The following EPM2A variants were observed in gnomAD, a reference collection of about 807,000 sequenced individuals.
EPM2A encodes the protein EPM2A glucan phosphatase, laforin.
In EPM2A, 21 loss-of-function variants were observed where a neutral mutation model predicts 26.5. That is an observed-to-expected ratio of 0.79 (90% confidence interval 0.56 to 1.14). The LOEUF (loss-of-function observed/expected upper bound fraction) is 1.14, where lower values mean the gene tolerates loss of function less well. EPM2A is among the 50% of genes most tolerant of loss of function. The pLI is 0.00. For missense variants in EPM2A, 458 were observed against 440.8 expected (o/e 1.04, Z -0.35); for synonymous variants, 217 against 177.6 (o/e 1.22, Z -1.76).
chr6:145,471,165 G>C (rs1218765221), intron 4 of EPM2A, among the ~76,000 whole-genome samples: 1 of 152,070 alleles, frequency 6.6e-6, no homozygotes, highest in Non-Finnish European at 1.5e-5. Flanking sequence ...AAACTGTCAA[G>C]GCCTATTGTT....
intron 2 of EPM2A, among the ~76,000 whole-genome samples, chr6:145,584,988 A>G (rs1362972908): frequency 2.0e-5 from 3 of 152,218 alleles, no homozygotes; most frequent in African/African-American, 7.2e-5. Context: ...TACAGGATAA[A>G]TATTTTCTTG....
intron 2 of EPM2A, among the ~76,000 whole-genome samples, chr6:145,571,499 A>G (rs1333524084): frequency 6.6e-6 from 1 of 152,186 alleles, no homozygotes; most frequent in African/African-American, 2.4e-5. Flanking sequence ...TGGCAGAAGC[A>G]ATGTGTGCCA....
chr6:145,679,510 A>G (rs758946602), intron 2 of EPM2A, among the ~76,000 whole-genome samples: 10 of 151,996 alleles, frequency 6.6e-5, no homozygotes, highest in Admixed American at 1.3e-4. Context: ...CAGAGACCCA[A>G]TAATTCAGTA....
intron 4 of EPM2A, among the ~76,000 whole-genome samples, chr6:145,469,435 T>C (rs1274902688): frequency 2.0e-5 from 3 of 152,088 alleles, no homozygotes; most frequent in East Asian, 1.9e-4. Context: ...CTCAACATCA[T>C]TGATAATCAG....
At chr6:145,611,980 G>A (rs1775401942) in intron 2 of EPM2A, among the ~76,000 whole-genome samples, 1 of 152,092 alleles carries the variant, frequency 6.6e-6, no homozygotes, top group Non-Finnish European at 1.5e-5. Flanking sequence ...TCAACATATA[G>A]GCATGGGGAC....
chr6:145,484,833 T>C (rs1779653179), intron 4 of EPM2A, among the ~76,000 whole-genome samples: 1 of 151,570 alleles, frequency 6.6e-6, no homozygotes, highest in African/African-American at 2.4e-5. Flanking sequence ...CATGGCTGCC[T>C]ATCTTCTGCT....
At position 145,735,390 on chromosome 6, in the gene EPM2A, C is replaced by T. The variant is rs894367813; in HGVS notation, c.109G>A (p.Ala37Thr). Residue 37 changes from alanine (A) to threonine (T), a missense_variant, in exon 1 of 4, where the codon GCC becomes ACC. Ala to Thr is a moderately conservative substitution (Grantham distance 58). Coordinates refer to ENST00000367519, the MANE Select transcript of EPM2A (RefSeq NM_005670.4). Reference sequence around the variant, plus strand: ...GTGCCGGCCGGCCTCAGGCGGACGGCACCGCGCGGCTCCCAACGCCCCAGC... The same window carrying T: ...GTGCCGGCCGGCCTCAGGCGGACGGTACCGCGCGGCTCCCAACGCCCCAGC... ...PELGRWEPRG[A>T]VRLRPAGTAA... 2 of 1,232,120 alleles carry T rather than the reference C, an allele frequency of 1.6e-6. No individual in the cohort carries two copies. The highest frequency in any genetic ancestry group is 1.6e-5 in the African/African-American group (1 of 62,750). 76.3% of individuals were successfully genotyped at this position (1,232,120 alleles called of 1,614,324 possible). A position where few individuals can be genotyped will look rare whatever the true frequency, so the allele number is the denominator to read the frequency against.
chr6:145,565,611 C>G (rs1381773794), intron 2 of EPM2A, among the ~76,000 whole-genome samples: 1 of 152,200 alleles, frequency 6.6e-6, no homozygotes, highest in East Asian at 1.9e-4. Flanking sequence ...TTTATTTGCT[C>G]TCTGAGCCAG....
At chr6:145,734,171 T>G (rs963342219) in intron 1 of EPM2A, among the ~76,000 whole-genome samples, 1 of 152,224 alleles carries the variant, frequency 6.6e-6, no homozygotes, top group Non-Finnish European at 1.5e-5. Flanking sequence ...CCACTACTGT[T>G]TACGACAGAG....
chr6:145,438,886 T>C (rs150809230), intron 4 of EPM2A, among the ~76,000 whole-genome samples: 54 of 152,046 alleles, frequency 3.6e-4, no homozygotes, highest in Non-Finnish European at 7.4e-4. Flanking sequence ...GATTATTTTA[T>C]CAAGCAGGTA....
At chr6:145,705,400 CAA>C (rs1782166298) in intron 1 of EPM2A, 1 of 353,916 alleles carries the variant, frequency 2.8e-6, no homozygotes, top group Admixed American at 3.8e-5. Flanking sequence ...TACACACACA[CAA>C]GTTAGCTGGG....
chr6:145,450,393 G>C (rs1198596181), intron 4 of EPM2A, among the ~76,000 whole-genome samples: 3 of 151,604 alleles, frequency 2.0e-5, no homozygotes, highest in African/African-American at 7.3e-5. Flanking sequence ...CCATTGGTGG[G>C]GGTATAAATT....
intron 4 of EPM2A, among the ~76,000 whole-genome samples, chr6:145,457,255 G>T (rs376226920): frequency 1.3e-3 from 191 of 152,170 alleles, no homozygotes; most frequent in African/African-American, 4.4e-3. Context: ...GACACTTTGG[G>T]AGGCTGAGGT....
At chr6:145,703,210 G>A (rs1782025933) in intron 1 of EPM2A, among the ~76,000 whole-genome samples, 1 of 150,596 alleles carries the variant, frequency 6.6e-6, no homozygotes, top group African/African-American at 2.4e-5. Context: ...TCCTGCCTCA[G>A]CCTCCCAAGT....
At chr6:145,484,978 T>A (rs1225013388) in intron 4 of EPM2A, among the ~76,000 whole-genome samples, 1 of 131,566 alleles carries the variant, frequency 7.6e-6, no homozygotes, top group East Asian at 2.1e-4. Context: ...GATGTCTGAT[T>A]AATGACATTA....
Position 145,735,361 on chromosome 6 carries a change from C to T in EPM2A, c.138G>A (p.Ala46=), listed in dbSNP as rs1294023321. The T allele has an allele frequency of 2.8e-6, 3 of 1,062,088 alleles. No individual in the cohort carries two copies. Among genetic ancestry groups the T allele is most frequent in the Admixed American group, 4.6e-5 (1 of 21,654 alleles). The allele number at this position is 1,062,088 out of a possible 1,614,324, so 65.8% of individuals were successfully genotyped here. Residue 46 remains alanine, a synonymous_variant, in exon 1 of 4, where the codon GCG becomes GCA. Coordinates refer to ENST00000367519, the MANE Select transcript of EPM2A (RefSeq NM_005670.4). ...GCAGGGCCAGGGCCCCGTCGCCCGC[C>T]GCGGTGCCGGCCGGCCTCAGGCGGA... ...GAVRLRPAGT[A]AGDGALALQE... is the part of the protein sequence containing the mutation.
At chr6:145,565,895 C>T (rs917479545) in intron 2 of EPM2A, among the ~76,000 whole-genome samples, 1 of 152,084 alleles carries the variant, frequency 6.6e-6, no homozygotes, top group Non-Finnish European at 1.5e-5. Context: ...AAGATATGAG[C>T]CCCGTAAAGC....
intron 2 of EPM2A, among the ~76,000 whole-genome samples, chr6:145,536,194 C>A (rs1040466848): frequency 7.2e-5 from 11 of 152,018 alleles, no homozygotes; most frequent in African/African-American, 2.7e-4. Context: ...TCTCTCAGTT[C>A]ATTTCTAGGA....
chr6:145,560,454 T>A (rs1387406780), intron 2 of EPM2A, among the ~76,000 whole-genome samples: 1 of 152,124 alleles, frequency 6.6e-6, no homozygotes. Flanking sequence ...GCAAGCGAGG[T>A]AAACTCAATT....
Sources: allele counts gnomAD v4.1 joint callset (sites outside exome capture counted in the v4.1 genomes callset), GRCh38; gene constraint gnomAD v4.1.1; transcripts MANE v1.5; gene names NCBI Gene and HGNC (gene_info 2026-07-23, HGNC 2026-07-21).